ZNF7: variants seen among roughly 807,000 people sequenced by gnomAD.
ZNF7 encodes the protein C2-H2 type zinc finger protein.
ZNF7 carries 10 observed loss-of-function variants against 12.0 expected under a neutral mutation model. The ratio of observed to expected loss-of-function variants is 0.83; its 90% confidence interval spans 0.51 to 1.42. The LOEUF (loss-of-function observed/expected upper bound fraction) is 1.42. ZNF7 is among the 40% of genes most tolerant of loss of function. ZNF7 has a pLI of 0.00. For missense variants in ZNF7, 854 were observed against 837.2 expected, an observed-to-expected ratio of 1.02 and a Z score of -0.25; for synonymous variants, 334 against 295.0, an observed-to-expected ratio of 1.13 and a Z score of -1.35.
At position 144,842,664 on chromosome 8, in the gene ZNF7, T is replaced by A; in HGVS notation, c.1557T>A (p.His519Gln). Residue 519 changes from histidine (H) to glutamine (Q), a missense_variant, in exon 5 of 5, where the codon CAT becomes CAA. Physicochemically the swap from His to Gln is conservative, Grantham distance 24. Transcript: ENST00000532777. ...GCCTTATTTACCATCAGAGAATCCA[T>A]AAAGGAGAGAAGCCCTACGAATGCC... Reference protein sequence around the residue: ...SSSLIYHQRIHKGEKPYECLQ... With the variant: ...SSSLIYHQRIQKGEKPYECLQ... 1 of 1,613,902 alleles carries A rather than the reference T, an allele frequency of 6.2e-7. No homozygotes were observed.
At chr8:144,844,435 GC>G (rs956668215), downstream of ZNF7, among the ~76,000 whole-genome samples, 2 of 152,182 alleles carry the variant, frequency 1.3e-5, no homozygotes, top group Admixed American at 1.3e-4. Context: ...AATGGGCCGG[GC>G]GTGGTGGCTC....
downstream of ZNF7, chr8:144,845,853 ATG>A (rs1440025181): frequency 3.5e-6 from 3 of 859,632 alleles, no homozygotes; most frequent in Non-Finnish European, 5.3e-6. Flanking sequence ...CACGTGGAGT[ATG>A]TGTGCAGTGT....
downstream of ZNF7, chr8:144,847,210 G>C (rs1023642142): frequency 6.6e-6 from 1 of 152,292 alleles, no homozygotes; most frequent in Non-Finnish European, 1.5e-5. Context: ...GGCTGCTCAT[G>C]GGGTAGTGCA....
In ZNF7 at chr8:144,841,490, C is replaced by T; in HGVS notation, c.383C>T (p.Ser128Phe). Residue 128 changes from serine (S) to phenylalanine (F), a missense_variant, in exon 5 of 5, where the codon TCT (serine) becomes TTT (phenylalanine). Ser to Phe is a radical substitution (Grantham distance 155). Coordinates refer to ENST00000532777, the MANE Select transcript of ZNF7 (RefSeq NM_003416.4). ...QNPGFGDVSD[S>F]EVWLDSHLGS... ...CCTGGCTTTGGAGACGTTTCTGATT[C>T]TGAGGTCTGGTTAGACAGTCATCTG... 1 of 1,614,158 alleles carries T rather than the reference C, an allele frequency of 6.2e-7. No individual in the cohort carries two copies. Among genetic ancestry groups the T allele is most frequent in the Non-Finnish European group, 8.5e-7 (1 of 1,180,048 alleles).
chr8:144,844,476 C>T (rs1024246404), downstream of ZNF7, among the ~76,000 whole-genome samples: 3 of 151,408 alleles, frequency 2.0e-5, no homozygotes, highest in South Asian at 2.1e-4. Flanking sequence ...TTTGGGAGGT[C>T]GAGGTGGGTG....
intron 4 of ZNF7, chr8:144,838,363 G>T (rs1829334969): frequency 3.6e-6 from 2 of 555,828 alleles, no homozygotes; most frequent in Admixed American, 3.2e-5. Context: ...CTATCTTGGG[G>T]TCCTCAGCCC....
Position 144,841,850 on chromosome 8 carries a change from A to C in ZNF7, c.743A>C (p.Lys248Thr). Reference protein sequence around the residue: ...GKHTNNCHGEKPYECAECGKV... With the variant: ...GKHTNNCHGETPYECAECGKV... Reference sequence around the variant, plus strand: ...CATACAAATAACTGCCATGGAGAGAAGCCGTACGAATGTGCAGAGTGTGGG... The same window carrying C: ...CATACAAATAACTGCCATGGAGAGACGCCGTACGAATGTGCAGAGTGTGGG... The change falls in exon 5 of 5, where the codon AAG (lysine) becomes ACG (threonine). Residue 248 changes from lysine to threonine, a missense_variant. Lys to Thr is a moderately conservative substitution (Grantham distance 78). Transcript: ENST00000532777. The C allele has an allele frequency of 6.2e-7, 1 of 1,614,200 alleles. No homozygotes were observed. The highest frequency in any genetic ancestry group is 1.6e-4 in the Middle Eastern group (1 of 6,062).
Position 144,842,384 on chromosome 8 carries a change from C to T in ZNF7, c.1277C>T (p.Ser426Phe). Reference protein sequence around the residue: ...DECGKAFRWISRLSQHQLIHT... With the variant: ...DECGKAFRWIFRLSQHQLIHT... ...TGTGGGAAAGCTTTTAGGTGGATCTCTCGCCTGAGTCAGCATCAGCTGATT... is the reference window on the plus strand; with the variant it reads ...TGTGGGAAAGCTTTTAGGTGGATCTTTCGCCTGAGTCAGCATCAGCTGATT... The change falls in exon 5 of 5, where the codon TCT (serine) becomes TTT (phenylalanine). Residue 426 changes from serine to phenylalanine, a missense_variant. Transcript: ENST00000532777. The T allele has an allele frequency of 1.2e-6, 2 of 1,614,066 alleles. No individual in the cohort carries two copies. The highest frequency in any genetic ancestry group is 1.7e-6 in the Non-Finnish European group (2 of 1,180,044).
chr8:144,840,316 G>C lies in ZNF7; in HGVS notation c.248-1039G>C, dbSNP rs565305613. On this transcript the variant is annotated intron_variant, in intron 4 of 4. Coordinates refer to ENST00000532777, the MANE Select transcript of ZNF7 (RefSeq NM_003416.4). Reference sequence around the variant, plus strand: ...CTGCTCTGATTCTCCAGGACTGATAGGAAGACCTTTGGAGATCCCTGGAAG... The same window carrying C: ...CTGCTCTGATTCTCCAGGACTGATACGAAGACCTTTGGAGATCCCTGGAAG... 5.9e-5 allele frequency among the ~76,000 whole-genome samples: 9 copies of C among 152,330 alleles called. No homozygotes were observed. In the South Asian group the frequency reaches 1.7e-3, roughly 28 times the overall value.
intron 4 of ZNF7, chr8:144,837,896 AGC>A (rs1829218618): frequency 1.7e-6 from 1 of 586,408 alleles, no homozygotes; most frequent in African/African-American, 1.9e-5. Flanking sequence ...TCCCTGAGGC[AGC>A]TCCCTTCAGA....
At position 144,842,937 on chromosome 8, in the gene ZNF7, C is replaced by T. The variant is rs9004; in HGVS notation, c.1830C>T (p.Tyr610=). ...QRIHTRAQWF[Y]EYGNALEGST... ...TACACACTAGGGCCCAGTGGTTTTA[C>T]GAATATGGGAATGCCCTGGAAGGGT... Residue 610 remains tyrosine, a synonymous_variant, in exon 5 of 5, where the codon TAC becomes TAT. Coordinates refer to ENST00000532777, the MANE Select transcript of ZNF7 (RefSeq NM_003416.4). 0.32 allele frequency: 508,986 copies of T among 1,613,754 alleles called. 82,463 individuals are homozygous for T. The highest frequency in any genetic ancestry group is 0.44 in the South Asian group (40,319 of 91,064).
At chr8:144,829,115 C>T (rs1227275176) in intron 2 of ZNF7, 25 bp downstream of exon 2, 1 of 1,613,716 alleles carries the variant, frequency 6.2e-7, no homozygotes, top group East Asian at 2.2e-5. Context: ...TGCCTCCTTC[C>T]CCTCGCATGT....
In ZNF7 at chr8:144,839,975, C is replaced by T. The variant is rs182713934; in HGVS notation, c.248-1380C>T. Among the ~76,000 whole-genome samples the T allele has an allele frequency of 1.8e-4, 28 of 152,310 alleles. No individual in the cohort carries two copies. In the East Asian group the frequency reaches 5.2e-3, roughly 28 times the overall value. On this transcript the variant is annotated intron_variant, in intron 4 of 4. Coordinates refer to ENST00000532777, the MANE Select transcript of ZNF7 (RefSeq NM_003416.4). Reference sequence around the variant, plus strand: ...ATTTTTTGAGATGGAGTCTTTGTTGCCCAGGCTGGAGTGCAGTGGCATGAT... The same window carrying T: ...ATTTTTTGAGATGGAGTCTTTGTTGTCCAGGCTGGAGTGCAGTGGCATGAT...
downstream of ZNF7, chr8:144,846,099 T>G (rs1292206780): frequency 3.3e-5 from 50 of 1,535,906 alleles, no homozygotes; most frequent in Admixed American, 5.9e-5. Flanking sequence ...CCTCCTGGGC[T>G]CTCGTCATCT....
chr8:144,837,565 G>A, intron 4 of ZNF7, 58 bp downstream of exon 4: 1 of 1,352,304 alleles, frequency 7.4e-7, no homozygotes. Context: ...TGCAGGAGGG[G>A]CCTCACAACT....
intron 3 of ZNF7, chr8:144,835,919 C>A (rs1036232789): frequency 6.6e-6 from 1 of 151,964 alleles, no homozygotes; most frequent in Non-Finnish European, 1.5e-5. Context: ...TTCAGGTGAT[C>A]CACCCGCCTT....
In ZNF7 at chr8:144,843,418, C is replaced by T. The variant is rs899695138; in HGVS notation, c.*250C>T. The T allele has an allele frequency of 2.8e-6, 1 of 354,206 alleles. No individual in the cohort carries two copies. The allele number at this position is 354,206 out of a possible 1,614,324, so 21.9% of individuals were successfully genotyped here. On this transcript the variant is annotated 3_prime_UTR_variant, in exon 5 of 5. Coordinates refer to ENST00000532777, the MANE Select transcript of ZNF7 (RefSeq NM_003416.4). ...TCCTGGGTAACAGGTGAAACCCCAT[C>T]TCTACTAAAAATACAAAAATTTAGC...
chr8:144,837,887 C>A lies in ZNF7; in HGVS notation c.247+380C>A, dbSNP rs1209228805. ...TAACCTCTCCTCGGGTAAGCATATT[C>A]CCTGAGGCAGCTCCCTTCAGACCCT... On this transcript the variant is annotated intron_variant, in intron 4 of 4. Coordinates refer to ENST00000532777, the MANE Select transcript of ZNF7 (RefSeq NM_003416.4). 3 of 580,912 alleles carry A rather than the reference C, an allele frequency of 5.2e-6. No individual in the cohort carries two copies. In the African/African-American group the frequency reaches 5.6e-5, roughly 11 times the overall value. The allele number at this position is 580,912 out of a possible 1,614,324, so 36.0% of individuals were successfully genotyped here.
rs909282 is a variant in ZNF7 at position 144,840,053 on chromosome 8, G to T, written c.248-1302G>T. Among the ~76,000 whole-genome samples the T allele has an allele frequency of 0.016, 2,399 of 152,350 alleles. 199 individuals carry two copies. In the East Asian group the frequency reaches 0.23, roughly 15 times the overall value. ...AGGTTCAAGTGATTCTTGTGCCTCA[G>T]CCTCCCAAGTAGCCGGGATTACAGG... On this transcript the variant is annotated intron_variant, in intron 4 of 4. Coordinates refer to ENST00000532777, the MANE Select transcript of ZNF7 (RefSeq NM_003416.4).
Sources: allele counts gnomAD v4.1 joint callset (sites outside exome capture counted in the v4.1 genomes callset), GRCh38; gene constraint gnomAD v4.1.1; transcripts MANE v1.5; gene names NCBI Gene and HGNC (gene_info 2026-07-23, HGNC 2026-07-21).